Variants in STK11 observed in about 807,000 individuals in gnomAD.
STK11 encodes serine/threonine-protein kinase STK11.
A neutral mutation model predicts 47.3 loss-of-function variants in STK11; 8 were observed. That is an observed-to-expected ratio of 0.17 (90% confidence interval 0.10 to 0.31). The LOEUF is 0.31. Among genes scored for constraint, STK11 ranks in the 10% least tolerant of loss-of-function variants. The probability of loss-of-function intolerance (pLI) is 1.00; values close to 1 mark genes in which losing one functional copy is unlikely to be tolerated. For synonymous variants in STK11, 330 were observed against 255.8 expected, an observed-to-expected ratio of 1.29 and a Z score of -2.77; for missense variants, 475 against 605.0, an observed-to-expected ratio of 0.79 and a Z score of 2.25.
At chr19:1,227,535 C>T in intron 9 of STK11, 58 bp from the exon 10 acceptor site, 1 of 1,061,812 alleles carries the variant, frequency 9.4e-7, no homozygotes, top group Non-Finnish European at 1.1e-6. Context: ...CAGGGGCCCG[C>T]GGGAGGCGGA....
At chr19:1,210,259 T>A (rs1182967960) in intron 1 of STK11, among the ~76,000 whole-genome samples, 1 of 152,170 alleles carries the variant, frequency 6.6e-6, no homozygotes, top group African/African-American at 2.4e-5. Context: ...CCCAAGGCCT[T>A]GGCCAGCCTT....
chr19:1,207,841 C>G (rs941316541), intron 1 of STK11, among the ~76,000 whole-genome samples: 19 of 152,366 alleles, frequency 1.2e-4, no homozygotes, highest in African/African-American at 4.6e-4. Flanking sequence ...GAATTGCATC[C>G]GGAAGACCTT....
chr19:1,227,521 C>G, intron 9 of STK11, 72 bp from the exon 10 acceptor site: 1 of 1,060,728 alleles, frequency 9.4e-7, no homozygotes. Flanking sequence ...CTTCTCCATC[C>G]TCCCAGGGGC....
chr19:1,210,029 C>A (rs930717245), intron 1 of STK11, among the ~76,000 whole-genome samples: 1 of 152,268 alleles, frequency 6.6e-6, no homozygotes, highest in African/African-American at 2.4e-5. Context: ...CCTTGCGGGG[C>A]CCCCTGGGAT....
At position 1,219,531 on chromosome 19, in the gene STK11, T is replaced by C. The variant is rs557674928; in HGVS notation, c.464+118T>C. The C allele has an allele frequency of 4.7e-5, 44 of 937,810 alleles. No individual in the cohort carries two copies. The South Asian group carries it at 7.4e-4, about 16-fold the overall frequency. The allele number at this position is 937,810 out of a possible 1,614,324, so 58.1% of individuals were successfully genotyped here. ...ATTCATTGACATGAAGGCCCAAGTT[T>C]TTTTGTTTTTTTGTTTTTTTGTGTT... On this transcript the variant is annotated intron_variant, in intron 3 of 9. Transcript: ENST00000326873.
chr19:1,219,873 T>G, intron 3 of STK11: 1 of 189,986 alleles, frequency 5.3e-6, no homozygotes, highest in South Asian at 1.0e-4. Flanking sequence ...TTAAAAACAG[T>G]TTTGGGGTCC....
intron 8 of STK11, chr19:1,223,517 A>C: frequency 1.0e-6 from 1 of 957,410 alleles, no homozygotes; most frequent in Non-Finnish European, 1.3e-6. Context: ...AGGGTAGGTG[A>C]GAGTCAGGGT....
rs1389652995 is a variant in STK11, at chr19:1,206,610, G to A, written c.-304G>A. On this transcript the variant is annotated 5_prime_UTR_variant, in exon 1 of 10. Coordinates refer to ENST00000326873, the MANE Select transcript of STK11 (RefSeq NM_000455.5). Reference sequence around the variant, plus strand: ...CCCGAGGACGAAGTTGACCCTGACCGGGCCGTCTCCCAGTTCTGAGGCCCG... The same window carrying A: ...CCCGAGGACGAAGTTGACCCTGACCAGGCCGTCTCCCAGTTCTGAGGCCCG... 1 of 468,920 alleles carries A rather than the reference G, an allele frequency of 2.1e-6. No individual in the cohort carries two copies. Among genetic ancestry groups the A allele is most frequent in the Non-Finnish European group, 3.8e-6 (1 of 263,266 alleles). The allele number at this position is 468,920 out of a possible 1,614,324, so 29.0% of individuals were successfully genotyped here.
intron 6 of STK11, 79 bp from the exon 7 acceptor site, chr19:1,221,868 CAG>C: frequency 6.7e-7 from 1 of 1,502,048 alleles, no homozygotes; most frequent in Non-Finnish European, 9.1e-7. Flanking sequence ...GGCCTGACAA[CAG>C]AGGCTGGGCA....
intron 1 of STK11, among the ~76,000 whole-genome samples, chr19:1,216,825 A>G (rs2080747806): frequency 7.1e-6 from 1 of 141,154 alleles, no homozygotes; most frequent in Non-Finnish European, 1.6e-5. Flanking sequence ...CGACAGGGAA[A>G]CCCTGTCTCA....
chr19:1,221,432 G>T, intron 6 of STK11, 92 bp downstream of exon 6: 1 of 1,459,780 alleles, frequency 6.9e-7, no homozygotes, highest in Non-Finnish European at 9.1e-7. Flanking sequence ...GGGGCTATTG[G>T]CCCCGAGACC....
At chr19:1,214,738 C>T (rs887865557) in intron 1 of STK11, among the ~76,000 whole-genome samples, 18 of 152,176 alleles carry the variant, frequency 1.2e-4, no homozygotes, top group African/African-American at 4.3e-4. Context: ...GTGGGGTGGT[C>T]CCTGCACAGG....
intron 1 of STK11, among the ~76,000 whole-genome samples, chr19:1,207,549 C>A (rs1002881960): frequency 6.6e-6 from 1 of 152,204 alleles, no homozygotes; most frequent in Non-Finnish European, 1.5e-5. Flanking sequence ...GCAGAGGCGC[C>A]CAGTGGAATC....
intron 1 of STK11, among the ~76,000 whole-genome samples, chr19:1,215,744 G>T (rs968921210): frequency 1.3e-5 from 2 of 150,018 alleles, no homozygotes; most frequent in African/African-American, 2.4e-5. Context: ...GACACCCCAA[G>T]TTTTTTTTTT....
At chr19:1,217,012 G>A (rs925076894) in intron 1 of STK11, among the ~76,000 whole-genome samples, 38 of 151,874 alleles carry the variant, frequency 2.5e-4, no homozygotes, top group Admixed American at 2.0e-3. Context: ...CCCCTGGGTG[G>A]TTCCACATCT....
intron 8 of STK11, chr19:1,224,295 T>G: frequency 1.0e-6 from 1 of 985,328 alleles, no homozygotes. Flanking sequence ...GGGTCTCAGC[T>G]CCTGGGCTCT....
chr19:1,217,647 C>T (rs1192793112), intron 1 of STK11, among the ~76,000 whole-genome samples: 1 of 152,156 alleles, frequency 6.6e-6, no homozygotes, highest in Non-Finnish European at 1.5e-5. Context: ...TCTGTGGCGT[C>T]TCCTTCTTCG....
In STK11 at chr19:1,219,543, T is replaced by C; in HGVS notation, c.464+130T>C. ...GAAGGCCCAAGTTTTTTTGTTTTTTTGTTTTTTTGTGTTTTTTTTCGAGAT... is the reference window on the plus strand; with the variant it reads ...GAAGGCCCAAGTTTTTTTGTTTTTTCGTTTTTTTGTGTTTTTTTTCGAGAT... On this transcript the variant is annotated intron_variant, in intron 3 of 9. Transcript: ENST00000326873. The C allele has an allele frequency of 5.2e-6, 5 of 959,576 alleles. No individual in the cohort carries two copies. In the Admixed American group the frequency reaches 1.1e-4, roughly 22 times the overall value. 59.4% of individuals were successfully genotyped at this position (959,576 alleles called of 1,614,324 possible).
intron 5 of STK11, 45 bp from the exon 6 acceptor site, chr19:1,221,168 C>T: frequency 6.2e-7 from 1 of 1,608,150 alleles, no homozygotes; most frequent in South Asian, 1.1e-5. Flanking sequence ...AGGGCGTCAA[C>T]CACCTTGACT....
Sources: gnomAD v4.1 joint callset for allele counts (sites outside exome capture counted in the v4.1 genomes callset) on GRCh38, gnomAD v4.1.1 for gene constraint, MANE v1.5 for transcripts, NCBI Gene and HGNC (gene_info 2026-07-23, HGNC 2026-07-21) for gene names.